The following NPSR1 variants were observed in gnomAD, a reference collection of about 807,000 sequenced individuals.
The protein encoded by NPSR1 is neuropeptide S receptor 1, also known as neuropeptide S receptor.
Under a neutral mutation model 46.9 loss-of-function variants are expected in NPSR1, and 48 were observed. The observed-to-expected ratio is 1.02, with a 90% CI of 0.81 to 1.30. The LOEUF (loss-of-function observed/expected upper bound fraction) is 1.30, where lower values mean the gene tolerates loss of function less well. Ranked by LOEUF, NPSR1 falls within the 50% of genes most tolerant of loss-of-function variation. The pLI, the probability that NPSR1 is intolerant of heterozygous loss-of-function variation, is 0.00. For synonymous variants in NPSR1, 176 were observed against 168.1 expected, an observed-to-expected ratio of 1.05 and a Z score of -0.36; for missense variants, 450 against 449.5, an observed-to-expected ratio of 1.00 and a Z score of -0.01.
At chr7:34,717,449 GTCAGTATACC>G (rs1242243498) in intron 2 of NPSR1, among the ~76,000 whole-genome samples, 3 of 152,276 alleles carry the variant, frequency 2.0e-5, no homozygotes, top group Non-Finnish European at 2.9e-5. Context: ...AGTCTTATCA[GTCAGTATACC>G]TCAGTATAAA....
intron 3 of NPSR1, among the ~76,000 whole-genome samples, chr7:34,790,526 T>C (rs1787684669): frequency 6.6e-6 from 1 of 150,430 alleles, no homozygotes; most frequent in Non-Finnish European, 1.5e-5. Flanking sequence ...GCCAAAGAAG[T>C]AAGGCAAGAA....
At chr7:34,711,575 A>G (rs1466932636) in intron 2 of NPSR1, 1 of 152,248 alleles carries the variant, frequency 6.6e-6, no homozygotes, top group African/African-American at 2.4e-5. Flanking sequence ...AAATACACCT[A>G]CACATTCACA....
intron 2 of NPSR1, among the ~76,000 whole-genome samples, chr7:34,759,669 A>G (rs1420039170): frequency 2.0e-5 from 3 of 152,190 alleles, no homozygotes; most frequent in South Asian, 4.1e-4. Flanking sequence ...TGGCGGGTAT[A>G]AACTGAAACT....
chr7:34,676,562 G>A (rs1178788733), intron 1 of NPSR1, among the ~76,000 whole-genome samples: 2 of 152,006 alleles, frequency 1.3e-5, no homozygotes, highest in Non-Finnish European at 2.9e-5. Flanking sequence ...GCATAATACG[G>A]CTGCGAATAA....
intron 6 of NPSR1, among the ~76,000 whole-genome samples, chr7:34,839,562 T>TGA (rs1321229247): frequency 6.6e-6 from 1 of 152,186 alleles, no homozygotes; most frequent in East Asian, 1.9e-4. Flanking sequence ...GCACTGCATA[T>TGA]GAGGTACCAA....
At chr7:34,709,448 C>G (rs1457205421) in intron 2 of NPSR1, among the ~76,000 whole-genome samples, 2 of 152,168 alleles carry the variant, frequency 1.3e-5, no homozygotes, top group Non-Finnish European at 2.9e-5. Context: ...GTTGCACAGA[C>G]AGAAGCTAGA....
intron 2 of NPSR1, chr7:34,750,384 C>T (rs996074360): frequency 2.6e-5 from 19 of 741,810 alleles, no homozygotes; most frequent in South Asian, 4.1e-5. Flanking sequence ...GGTTTCTTTT[C>T]GGAAGCTCGC....
At chr7:34,867,053 A>G (rs1156975709) in intron 8 of NPSR1, among the ~76,000 whole-genome samples, 5 of 151,592 alleles carry the variant, frequency 3.3e-5, no homozygotes, top group African/African-American at 7.3e-5. Context: ...CCTGAATAAG[A>G]CCCTTCCAAG....
intron 6 of NPSR1, among the ~76,000 whole-genome samples, chr7:34,835,030 C>T (rs949856588): frequency 6.6e-6 from 1 of 152,192 alleles, no homozygotes; most frequent in African/African-American, 2.4e-5. Context: ...GAATGCAGAG[C>T]CTCTCGTATG....
At chr7:34,774,158 T>A (rs1041534533) in intron 2 of NPSR1, among the ~76,000 whole-genome samples, 4 of 152,232 alleles carry the variant, frequency 2.6e-5, no homozygotes, top group African/African-American at 9.6e-5. Flanking sequence ...CTTCCAAGGC[T>A]ACCCCATAAT....
chr7:34,711,701 T>C (rs1394022846), intron 2 of NPSR1, among the ~76,000 whole-genome samples: 1 of 152,230 alleles, frequency 6.6e-6, no homozygotes, highest in African/African-American at 2.4e-5. Flanking sequence ...ACGATGCACA[T>C]AAAATGCCTA....
At chr7:34,832,869 A>T (rs539318834) in intron 5 of NPSR1, among the ~76,000 whole-genome samples, 1 of 152,340 alleles carries the variant, frequency 6.6e-6, no homozygotes, top group African/African-American at 2.4e-5. Context: ...TTTCTGGGGA[A>T]GAAGTTTCCC....
At chr7:34,715,086 C>T (rs1783495389) in intron 2 of NPSR1, among the ~76,000 whole-genome samples, 2 of 152,226 alleles carry the variant, frequency 1.3e-5, no homozygotes. Flanking sequence ...AGGAGCCTGG[C>T]TGTCAGAGCA....
chr7:34,845,426 C>T (rs188276274), intron 7 of NPSR1, among the ~76,000 whole-genome samples: 1 of 152,160 alleles, frequency 6.6e-6, no homozygotes, highest in Non-Finnish European at 1.5e-5. Context: ...TCCTTCCACC[C>T]TCCTGTCTTC....
At chr7:34,865,082 G>C (rs912486501) in intron 8 of NPSR1, among the ~76,000 whole-genome samples, 20 of 151,806 alleles carry the variant, frequency 1.3e-4, no homozygotes, top group Non-Finnish European at 1.2e-4. Context: ...TGAATGAAGA[G>C]GACTCTCAGG....
At chr7:34,750,607 A>T in intron 2 of NPSR1, 1 of 684,470 alleles carries the variant, frequency 1.5e-6, no homozygotes, top group Middle Eastern at 2.6e-4. Flanking sequence ...GCTCAAATTC[A>T]TCTATTATAG....
At chr7:34,674,939 G>A (rs1412033299) in intron 1 of NPSR1, among the ~76,000 whole-genome samples, 2 of 152,160 alleles carry the variant, frequency 1.3e-5, no homozygotes, top group East Asian at 3.9e-4. Flanking sequence ...TCTCCCCCTT[G>A]AAAATTGAAA....
exon 9 of NPSR1, chr7:34,878,273 A>T: frequency 1.4e-6 from 1 of 715,656 alleles, no homozygotes; most frequent in Non-Finnish European, 2.5e-6. Context: ...GGTTCCCAAA[A>T]TGGGTCACAG....
At chr7:34,824,525 G>C (rs536635063) in intron 4 of NPSR1, among the ~76,000 whole-genome samples, 12 of 152,216 alleles carry the variant, frequency 7.9e-5, no homozygotes, top group Non-Finnish European at 1.5e-4. Context: ...GCCTAAGAGA[G>C]TGGGGCTTTC....
Sources: gnomAD v4.1 joint callset for allele counts (sites outside exome capture counted in the v4.1 genomes callset) on GRCh38, gnomAD v4.1.1 for gene constraint, MANE v1.5 for transcripts, NCBI Gene and HGNC (gene_info 2026-07-23, HGNC 2026-07-21) for gene names.